Variants in EYS observed in about 807,000 individuals in gnomAD.
EYS encodes the protein EGF-like photoreceptor maintenance factor.
In EYS, 250 loss-of-function variants were observed where a neutral mutation model predicts 282.1. The observed-to-expected ratio is 0.89, with a 90% confidence interval of 0.80 to 0.98. The LOEUF (loss-of-function observed/expected upper bound fraction) is 0.98, where lower values mean the gene tolerates loss of function less well. EYS is among the 50% of genes least tolerant of loss of function. The pLI is 0.00. For synonymous variants in EYS, 1,355 were observed against 1,282.9 expected (o/e 1.06, Z -1.20); for missense variants, 4,016 against 3,709.0 (o/e 1.08, Z -2.15).
intron 30 of EYS, among the ~76,000 whole-genome samples, chr6:64,279,299 C>T (rs2150360881): frequency 6.6e-6 from 1 of 152,178 alleles, no homozygotes; most frequent in East Asian, 1.9e-4. Context: ...TTGTGGATTC[C>T]CAAAGGGACA....
intron 30 of EYS, among the ~76,000 whole-genome samples, chr6:64,304,494 G>A (rs374695894): frequency 8.5e-5 from 13 of 152,198 alleles, no homozygotes; most frequent in East Asian, 7.7e-4. Context: ...ATTCTTAAAA[G>A]CATGTGGAAC....
intron 33 of EYS, among the ~76,000 whole-genome samples, chr6:64,024,386 T>C (rs533751751): frequency 6.6e-6 from 1 of 152,092 alleles, no homozygotes; most frequent in Admixed American, 6.5e-5. Flanking sequence ...TGGTGGGGAC[T>C]TGGAGAACAT....
chr6:63,891,830 C>T (rs890791736), intron 35 of EYS, among the ~76,000 whole-genome samples: 26 of 152,258 alleles, frequency 1.7e-4, no homozygotes, highest in Non-Finnish European at 3.5e-4. Context: ...ATTTAGAAAA[C>T]CCCATTGTCT....
chr6:64,241,365 A>G (rs1316492990), intron 30 of EYS, among the ~76,000 whole-genome samples: 1 of 152,076 alleles, frequency 6.6e-6, no homozygotes, highest in Admixed American at 6.6e-5. Context: ...CCATGAACCC[A>G]TCTGGTTTTG....
intron 33 of EYS, among the ~76,000 whole-genome samples, chr6:64,026,680 AC>A (rs1364566207): frequency 7.9e-4 from 120 of 152,184 alleles, no homozygotes; most frequent in African/African-American, 2.8e-3. Context: ...CTCTCAGCTT[AC>A]CCCCATATCC....
intron 14 of EYS, among the ~76,000 whole-genome samples, chr6:64,975,284 C>T (rs1274096758): frequency 7.9e-5 from 12 of 151,644 alleles, no homozygotes; most frequent in Admixed American, 7.9e-4. Flanking sequence ...TGCAAAAAGA[C>T]AGCTTTCCTT....
chr6:64,317,462 A>C lies in EYS; in HGVS notation c.6079-10380T>G, dbSNP rs144400328. Reference sequence around the variant, plus strand: ...TTTCACTGGTCATTAGAGAAATGCAAATCAAAATCACAATGAGATACTGTC... The same window carrying C: ...TTTCACTGGTCATTAGAGAAATGCACATCAAAATCACAATGAGATACTGTC... On this transcript the variant is annotated intron_variant, in intron 29 of 42. Coordinates refer to ENST00000503581, the MANE Select transcript of EYS (RefSeq NM_001142800.2). Among the ~76,000 whole-genome samples, 941 of 152,208 alleles carry C rather than the reference A, an allele frequency of 6.2e-3. 6 individuals carry two copies. The highest frequency in any genetic ancestry group is 0.022 in the African/African-American group (894 of 41,512).
chr6:65,201,796 C>G (rs1765908210), intron 12 of EYS, among the ~76,000 whole-genome samples: 1 of 151,748 alleles, frequency 6.6e-6, no homozygotes, highest in Admixed American at 6.6e-5. Context: ...ATTGCTAAGC[C>G]ACACAAAAAA....
chr6:64,326,987 CCTAA>C (rs1561931516), intron 29 of EYS, among the ~76,000 whole-genome samples: 2 of 152,006 alleles, frequency 1.3e-5, no homozygotes, highest in East Asian at 1.9e-4. Context: ...AAATTCACAC[CCTAA>C]CTGACACCAG....
chr6:63,867,430 A>G (rs935351606), intron 35 of EYS, among the ~76,000 whole-genome samples: 1 of 152,192 alleles, frequency 6.6e-6, no homozygotes, highest in African/African-American at 2.4e-5. Flanking sequence ...AATTAAAAGT[A>G]GGTCTGCGAA....
chr6:64,572,161 C>T (rs1765746863), intron 26 of EYS, among the ~76,000 whole-genome samples: 1 of 152,092 alleles, frequency 6.6e-6, no homozygotes, highest in African/African-American at 2.4e-5. Context: ...ATAAACAGAA[C>T]CAATAACAAA....
At chr6:65,552,649 A>G (rs900966564) in intron 2 of EYS, among the ~76,000 whole-genome samples, 1 of 152,130 alleles carries the variant, frequency 6.6e-6, no homozygotes. Context: ...CTCTCTGGCA[A>G]TTTAATTTAT....
chr6:64,649,380 A>G (rs1768473780), intron 22 of EYS, among the ~76,000 whole-genome samples: 1 of 151,226 alleles, frequency 6.6e-6, no homozygotes, highest in Non-Finnish European at 1.5e-5. Context: ...TCTGTCACCC[A>G]GGCTGGGGTG....
At chr6:65,131,949 C>A (rs1405429755) in intron 12 of EYS, among the ~76,000 whole-genome samples, 3 of 151,822 alleles carry the variant, frequency 2.0e-5, no homozygotes, top group Non-Finnish European at 2.9e-5. Context: ...CCTCTATGCA[C>A]ACAAACTGGA....
intron 31 of EYS, among the ~76,000 whole-genome samples, chr6:64,097,469 A>T (rs1470856148): frequency 6.6e-6 from 1 of 152,166 alleles, no homozygotes; most frequent in East Asian, 1.9e-4. Context: ...CCCCTCCCTC[A>T]GCCTCGCTTC....
chr6:65,611,651 A>G (rs181350), intron 2 of EYS, among the ~76,000 whole-genome samples: 10,714 of 152,214 alleles, frequency 0.07, 632 homozygotes, highest in East Asian at 0.16. Context: ...TAGTACACAT[A>G]AAGTTGTAAT....
At chr6:65,440,690 C>T (rs759261153) in intron 5 of EYS, among the ~76,000 whole-genome samples, 5 of 151,174 alleles carry the variant, frequency 3.3e-5, no homozygotes, top group Non-Finnish European at 7.4e-5. Flanking sequence ...ACACCATATA[C>T]TTCTACACTG....
At chr6:63,818,276 A>C (rs1201022217) in intron 36 of EYS, among the ~76,000 whole-genome samples, 1 of 152,190 alleles carries the variant, frequency 6.6e-6, no homozygotes, top group African/African-American at 2.4e-5. Flanking sequence ...ATTTGATAAA[A>C]AGGGATCTGA....
chr6:63,871,237 C>A (rs1772795535), intron 35 of EYS, among the ~76,000 whole-genome samples: 3 of 152,162 alleles, frequency 2.0e-5, no homozygotes, highest in Admixed American at 6.6e-5. Flanking sequence ...AGAATTTTCA[C>A]TTTAACTTAT....
Sources: allele counts gnomAD v4.1 joint callset (sites outside exome capture counted in the v4.1 genomes callset), GRCh38; gene constraint gnomAD v4.1.1; transcripts MANE v1.5; gene names NCBI Gene and HGNC (gene_info 2026-07-23, HGNC 2026-07-21).